The following CPVL variants were observed in gnomAD, a reference collection of about 807,000 sequenced individuals.
CPVL encodes the protein probable serine carboxypeptidase CPVL.
CPVL carries 51 observed loss-of-function variants against 63.7 expected under a neutral mutation model. The ratio of observed to expected loss-of-function variants is 0.80; its 90% confidence interval spans 0.64 to 1.01. The LOEUF (loss-of-function observed/expected upper bound fraction) is 1.01. Among genes scored for constraint, CPVL ranks in the 50% least tolerant of loss-of-function variants. CPVL has a pLI of 0.00. For synonymous variants in CPVL, 195 were observed against 206.0 expected, an observed-to-expected ratio of 0.95 and a Z score of 0.46; for missense variants, 530 against 573.1, an observed-to-expected ratio of 0.92 and a Z score of 0.77.
At chr7:29,156,956 A>T (rs1321133691) in intron 5 of CPVL, among the ~76,000 whole-genome samples, 1 of 152,148 alleles carries the variant, frequency 6.6e-6, no homozygotes, top group African/African-American at 2.4e-5. Flanking sequence ...ACATCAAAAC[A>T]AAAGCTACCC....
At chr7:29,146,693 C>T (rs1395364513), upstream of CPVL, 2 of 1,550,602 alleles carry the variant, frequency 1.3e-6, no homozygotes, top group Non-Finnish European at 1.7e-6. Context: ...AGCAAGCAGC[C>T]CCAGGGTGGA....
chr7:29,110,080 C>T (rs948582957), intron 3 of CPVL, among the ~76,000 whole-genome samples: 1 of 152,194 alleles, frequency 6.6e-6, no homozygotes, highest in Non-Finnish European at 1.5e-5. Context: ...CTTCTCTCAC[C>T]CTTAGTTCCT....
intron 11 of CPVL, among the ~76,000 whole-genome samples, chr7:29,045,894 CT>C (rs1438761581): frequency 6.6e-6 from 1 of 152,044 alleles, no homozygotes; most frequent in East Asian, 1.9e-4. Context: ...AAAGGAAGAT[CT>C]TTTGATAGCC....
intron 7 of CPVL, chr7:29,080,282 G>A (rs1187926964): frequency 1.3e-5 from 2 of 152,148 alleles, no homozygotes; most frequent in African/African-American, 4.8e-5. Context: ...GAAAGGGGCT[G>A]GGCGCAGTGG....
intron 3 of CPVL, among the ~76,000 whole-genome samples, chr7:29,107,976 G>A (rs1024722475): frequency 1.3e-5 from 2 of 152,196 alleles, no homozygotes; most frequent in Admixed American, 6.5e-5. Flanking sequence ...TGGACCAGGA[G>A]CATTAGAGCG....
At chr7:29,116,843 A>T (rs323178) in intron 2 of CPVL, among the ~76,000 whole-genome samples, 38,725 of 152,132 alleles carry the variant, frequency 0.25, 6,422 homozygotes, top group African/African-American at 0.47. Flanking sequence ...AGCCAGCTAA[A>T]TGAGGATTTA....
At chr7:29,086,694 C>A in intron 6 of CPVL, 144 bp from the exon 7 acceptor site, 1 of 645,134 alleles carries the variant, frequency 1.6e-6, no homozygotes, top group Non-Finnish European at 2.8e-6. Flanking sequence ...TCCTGTAGGA[C>A]ATTTTATTTA....
intron 2 of CPVL, among the ~76,000 whole-genome samples, chr7:29,117,123 T>C (rs1238529501): frequency 6.6e-6 from 1 of 152,202 alleles, no homozygotes. Context: ...TTCAAAGAAT[T>C]TGACTGTGTA....
chr7:29,066,467 T>C (rs1161748254), intron 9 of CPVL, among the ~76,000 whole-genome samples: 3 of 152,214 alleles, frequency 2.0e-5, no homozygotes, highest in Non-Finnish European at 4.4e-5. Context: ...GTGTCATGTG[T>C]GTGCATGTGT....
At chr7:29,071,997 T>C in intron 8 of CPVL, 93 bp from the exon 9 acceptor site, 1 of 1,506,390 alleles carries the variant, frequency 6.6e-7, no homozygotes, top group South Asian at 1.2e-5. Context: ...CCTTTGTAAT[T>C]GTTAATATTG....
At chr7:29,005,483 A>G (rs140741464) in intron 12 of CPVL, among the ~76,000 whole-genome samples, 213 of 152,288 alleles carry the variant, frequency 1.4e-3, no homozygotes, top group African/African-American at 4.4e-3. Flanking sequence ...AAAGGCCCCA[A>G]TGAAATTAAT....
intron 6 of CPVL, among the ~76,000 whole-genome samples, chr7:29,090,249 A>AC (rs398004189): frequency 6.3e-5 from 4 of 63,936 alleles, no homozygotes; most frequent in South Asian, 6.6e-4. Context: ...CTGGACCGAT[A>AC]CAAGCTCAGC....
intron 2 of CPVL, among the ~76,000 whole-genome samples, chr7:29,116,545 A>G (rs959255229): frequency 4.6e-5 from 7 of 152,242 alleles, no homozygotes; most frequent in African/African-American, 1.7e-4. Flanking sequence ...TGTTTGTGAT[A>G]TTAACACTTT....
chr7:29,194,955 GCAA>G, intron 1 of CPVL: 3 of 1,576,104 alleles, frequency 1.9e-6, no homozygotes, highest in Non-Finnish European at 2.6e-6. Flanking sequence ...GCAGCGTCCA[GCAA>G]CTCCAGCCTG....
rs191477202 is a variant in CPVL, at chr7:29,170,928, A to G, written c.-11+10362T>C. On this transcript the variant is annotated intron_variant, in intron 5 of 16. Transcript: ENST00000409850. ...CGTGAGACTTACTCACTATCACAAG[A>G]AAAACATGGGAAAGACCTGCCCCCA... is the stretch of plus-strand genomic sequence containing the variant. Among the ~76,000 whole-genome samples, 181 of 152,246 alleles carry G rather than the reference A, an allele frequency of 1.2e-3. 1 individual carries two copies. In the East Asian group the frequency reaches 0.014, roughly 12 times the overall value.
At chr7:29,134,377 A>C (rs2128661705) in intron 1 of CPVL, among the ~76,000 whole-genome samples, 1 of 152,336 alleles carries the variant, frequency 6.6e-6, no homozygotes, top group South Asian at 2.1e-4. Context: ...TCCAACCAGC[A>C]ATTTAGTTTC....
intron 6 of CPVL, among the ~76,000 whole-genome samples, chr7:29,089,191 C>T (rs1211073615): frequency 6.6e-6 from 1 of 152,068 alleles, no homozygotes; most frequent in African/African-American, 2.4e-5. Context: ...AAAAGAGAAA[C>T]AGATTGCAAG....
chr7:29,035,842 G>A (rs1010174593), intron 11 of CPVL, among the ~76,000 whole-genome samples: 1 of 152,172 alleles, frequency 6.6e-6, no homozygotes, highest in African/African-American at 2.4e-5. Context: ...TACAGCCCTG[G>A]TGGGAGTTGT....
intron 6 of CPVL, among the ~76,000 whole-genome samples, chr7:29,092,062 TAAGA>T (rs1453989175): frequency 6.6e-6 from 1 of 151,874 alleles, no homozygotes; most frequent in Non-Finnish European, 1.5e-5. Context: ...TCTGACCAAA[TAAGA>T]AAGGTCACTT....
Sources: allele counts gnomAD v4.1 joint callset (sites outside exome capture counted in the v4.1 genomes callset), GRCh38; gene constraint gnomAD v4.1.1; transcripts MANE v1.5; gene names NCBI Gene and HGNC (gene_info 2026-07-23, HGNC 2026-07-21).